GPRIN3: variants seen among roughly 807,000 people sequenced by gnomAD.
GPRIN3 encodes G protein-regulated inducer of neurite outgrowth 3.
GPRIN3 carries 12 observed loss-of-function variants against 13.7 expected under a neutral mutation model. That is an observed-to-expected ratio of 0.87 (90% CI 0.56 to 1.42). GPRIN3 has a LOEUF of 1.42. Ranked by LOEUF, GPRIN3 falls within the 40% of genes most tolerant of loss-of-function variation. GPRIN3 has a pLI of 0.00. For synonymous variants in GPRIN3, 377 were observed against 372.7 expected (o/e 1.01, Z -0.13); for missense variants, 1,009 against 958.7 (o/e 1.05, Z -0.69).
chr4:89,263,721 G>A (rs1033487894), intron 1 of GPRIN3, among the ~76,000 whole-genome samples: 8 of 152,066 alleles, frequency 5.3e-5, no homozygotes, highest in South Asian at 2.1e-4. Context: ...TGTTATTTAC[G>A]TATCTGAAAA....
At chr4:89,281,705 C>G (rs987529805) in intron 1 of GPRIN3, among the ~76,000 whole-genome samples, 19 of 152,184 alleles carry the variant, frequency 1.2e-4, no homozygotes, top group Admixed American at 3.3e-4. Flanking sequence ...GCCCACAGAA[C>G]AAGGACAGAA....
At chr4:89,277,155 T>C (rs1401645726) in intron 1 of GPRIN3, among the ~76,000 whole-genome samples, 1 of 152,136 alleles carries the variant, frequency 6.6e-6, no homozygotes, top group Non-Finnish European at 1.5e-5. Flanking sequence ...TATTTTCTAT[T>C]GTAGTGGCTT....
chr4:89,249,905 C>T lies in GPRIN3; in HGVS notation c.206G>A (p.Cys69Tyr), dbSNP rs1323375154. Reference sequence around the variant, plus strand: ...ATCTGGTTGGGTGGTCTCATGCTCACAAACCTGCATCAGGGCTTCGGCAGC... The same window carrying T: ...ATCTGGTTGGGTGGTCTCATGCTCATAAACCTGCATCAGGGCTTCGGCAGC... ...RAAAEALMQV[C>Y]EHETTQPDMS... The change falls in exon 2 of 2, where the codon TGT (cysteine) becomes TAT (tyrosine). Residue 69 changes from cysteine to tyrosine, a missense_variant. Cys to Tyr is a radical substitution (Grantham distance 194). Coordinates refer to ENST00000609438, the MANE Select transcript of GPRIN3 (RefSeq NM_198281.3). The T allele has an allele frequency of 6.2e-7, 1 of 1,614,090 alleles. No individual in the cohort carries two copies. The highest frequency in any genetic ancestry group is 2.2e-5 in the East Asian group (1 of 44,900).
At chr4:89,261,299 C>T (rs1578083936) in intron 1 of GPRIN3, among the ~76,000 whole-genome samples, 1 of 152,190 alleles carries the variant, frequency 6.6e-6, no homozygotes, top group East Asian at 1.9e-4. Flanking sequence ...AGTGCCCCTA[C>T]TTCCAGCTGT....
chr4:89,303,424 G>T (rs1399730040), intron 1 of GPRIN3, among the ~76,000 whole-genome samples: 4 of 152,150 alleles, frequency 2.6e-5, no homozygotes, highest in African/African-American at 9.7e-5. Flanking sequence ...ACTGAACAAG[G>T]CCTAACCAGT....
intron 1 of GPRIN3, among the ~76,000 whole-genome samples, chr4:89,287,768 A>G (rs1346872248): frequency 2.6e-5 from 4 of 152,236 alleles, no homozygotes; most frequent in African/African-American, 9.6e-5. Flanking sequence ...TCCACTAAAT[A>G]AAATGTGGAA....
intron 1 of GPRIN3, among the ~76,000 whole-genome samples, chr4:89,253,617 A>G (rs556441864): frequency 5.9e-5 from 9 of 152,366 alleles, no homozygotes; most frequent in Admixed American, 4.6e-4. Context: ...CAAAACTCTC[A>G]GAAGTCCACT....
intron 1 of GPRIN3, among the ~76,000 whole-genome samples, chr4:89,298,905 C>G (rs113624655): frequency 6.6e-6 from 1 of 151,944 alleles, no homozygotes; most frequent in Non-Finnish European, 1.5e-5. Context: ...CCCTCCCTCT[C>G]GGAGGCTCAG....
At chr4:89,281,166 C>A (rs760526136) in intron 1 of GPRIN3, among the ~76,000 whole-genome samples, 1 of 151,950 alleles carries the variant, frequency 6.6e-6, no homozygotes, top group Non-Finnish European at 1.5e-5. Context: ...TCTTGTCACC[C>A]AGGCTGGAGT....
At chr4:89,289,996 C>T (rs1404919379) in intron 1 of GPRIN3, among the ~76,000 whole-genome samples, 2 of 151,646 alleles carry the variant, frequency 1.3e-5, no homozygotes, top group Non-Finnish European at 2.9e-5. Flanking sequence ...GAACTATTCT[C>T]AGTGTTTTTG....
chr4:89,271,189 G>A (rs1387461652), intron 1 of GPRIN3, among the ~76,000 whole-genome samples: 1 of 152,134 alleles, frequency 6.6e-6, no homozygotes, highest in African/African-American at 2.4e-5. Flanking sequence ...ATCCTAGGAG[G>A]TAGAACTCAT....
At position 89,248,199 on chromosome 4, in the gene GPRIN3, C is replaced by G. The variant is rs753028741; in HGVS notation, c.1912G>C (p.Val638Leu). Residue 638 changes from valine (V) to leucine (L), a missense_variant, in exon 2 of 2, where the codon GTC becomes CTC. Transcript: ENST00000609438. ...TTTTGCTCCTTGAGGAACTCGCTGA[C>G]GCGGCTGGGCCTGCGTGGGCTGGCT... ...VKASPRRPSR[V>L]SEFLKEQKLN... 1.2e-6 allele frequency: 2 copies of G among 1,614,184 alleles called. No individual in the cohort carries two copies. Among genetic ancestry groups the G allele is most frequent in the Admixed American group, 1.7e-5 (1 of 60,022 alleles).
chr4:89,236,782 A>T lies in GPRIN3; in HGVS notation c.*10998T>A, dbSNP rs569770941. 3.3e-5 allele frequency: 5 copies of T among 152,150 alleles called. No homozygotes were observed. Among genetic ancestry groups the T allele is most frequent in the Non-Finnish European group, 7.4e-5 (5 of 68,026 alleles). The allele number at this position is 152,150 out of a possible 1,614,324, so 9.4% of individuals were successfully genotyped here. ...CAATATCTCTGTGATCATCCAATTT[A>T]TATGTCTCAAGTATCTGTGCCATTG... On this transcript the variant is annotated 3_prime_UTR_variant, in exon 2 of 2. Coordinates refer to ENST00000609438, the MANE Select transcript of GPRIN3 (RefSeq NM_198281.3).
chr4:89,254,401 T>C (rs1444051128), intron 1 of GPRIN3, among the ~76,000 whole-genome samples: 2 of 152,116 alleles, frequency 1.3e-5, no homozygotes, highest in Non-Finnish European at 2.9e-5. Flanking sequence ...CACCCTCTGA[T>C]AGGCCCTAGT....
rs376497449 is a variant in GPRIN3, at chr4:89,272,012, T to A, written c.-123-21779A>T. On this transcript the variant is annotated intron_variant, in intron 1 of 1. Coordinates refer to ENST00000609438, the MANE Select transcript of GPRIN3 (RefSeq NM_198281.3). ...AAAACCTCCTTCCCATGTGAGGTTG[T>A]GGCAAGAAGACAGCTGTCAATGAAC... Among the ~76,000 whole-genome samples the A allele has an allele frequency of 1.8e-3, 272 of 152,310 alleles. 11 individuals carry two copies. In the South Asian group the frequency reaches 0.055, roughly 31 times the overall value.
chr4:89,280,860 C>G (rs1017889665), intron 1 of GPRIN3, among the ~76,000 whole-genome samples: 5 of 152,118 alleles, frequency 3.3e-5, no homozygotes, highest in African/African-American at 1.2e-4. Flanking sequence ...TTGCTGGCAA[C>G]CACCAGAAGT....
intron 1 of GPRIN3, among the ~76,000 whole-genome samples, chr4:89,271,424 G>A (rs1056546817): frequency 6.6e-6 from 1 of 151,924 alleles, no homozygotes; most frequent in South Asian, 2.1e-4. Context: ...CAAAATCCAC[G>A]GATGCTCAAG....
At chr4:89,288,086 G>T (rs1561222998) in intron 1 of GPRIN3, among the ~76,000 whole-genome samples, 1 of 152,196 alleles carries the variant, frequency 6.6e-6, no homozygotes, top group Non-Finnish European at 1.5e-5. Flanking sequence ...GGCCCGTGCA[G>T]ATCACAGAAT....
At chr4:89,264,637 C>T (rs1723734617) in intron 1 of GPRIN3, among the ~76,000 whole-genome samples, 1 of 152,028 alleles carries the variant, frequency 6.6e-6, no homozygotes, top group Non-Finnish European at 1.5e-5. Flanking sequence ...TGGAGCCAAG[C>T]AGGTGAGGAC....
Sources: gnomAD v4.1 joint callset for allele counts (sites outside exome capture counted in the v4.1 genomes callset) on GRCh38, gnomAD v4.1.1 for gene constraint, MANE v1.5 for transcripts, NCBI Gene and HGNC (gene_info 2026-07-23, HGNC 2026-07-21) for gene names.